CEP76: variants seen among roughly 807,000 people sequenced by gnomAD.
CEP76 encodes the protein centrosomal protein 76, also known as centrosomal protein of 76 kDa.
A neutral mutation model predicts 83.3 loss-of-function variants in CEP76; 55 were observed. The ratio of observed to expected loss-of-function variants is 0.66; its 90% confidence interval spans 0.53 to 0.83. The LOEUF (loss-of-function observed/expected upper bound fraction) is 0.83, where lower values mean the gene tolerates loss of function less well. CEP76 is among the 40% of genes least tolerant of loss of function. CEP76 has a pLI of 0.00. For missense variants in CEP76, 694 were observed against 799.5 expected, an observed-to-expected ratio of 0.87 and a Z score of 1.59; for synonymous variants, 270 against 274.5, an observed-to-expected ratio of 0.98 and a Z score of 0.16.
chr18:12,702,491 T>C lies in CEP76; in HGVS notation c.58A>G (p.Ser20Gly), dbSNP rs1233895072. 6.2e-7 allele frequency: 1 copy of C among 1,608,854 alleles called. No individual in the cohort carries two copies. The highest frequency in any genetic ancestry group is 2.2e-5 in the East Asian group (1 of 44,502). Residue 20 changes from serine (S) to glycine (G), a missense_variant, in exon 1 of 12, where the codon AGC becomes GGC. Ser to Gly is a moderately conservative substitution (Grantham distance 56). Coordinates refer to ENST00000262127, the MANE Select transcript of CEP76 (RefSeq NM_024899.4). ...ELKQLIHQQL[S>G]KMDVHGRIRE... ...CCAGCACCCGCGACTCTCACCTTGCTCAGCTGCTGGTGGATGAGCTGCTTC... is the reference window on the plus strand; with the variant it reads ...CCAGCACCCGCGACTCTCACCTTGCCCAGCTGCTGGTGGATGAGCTGCTTC...
In CEP76 at chr18:12,699,077, T is replaced by C. The variant is rs1271704769; in HGVS notation, c.422A>G (p.His141Arg). Residue 141 changes from histidine to arginine, a missense_variant, in exon 4 of 12, where the codon CAT becomes CGT. Transcript: ENST00000262127. ...QVCSTFTLCL[H>R]YRNQRFRSKP... ...AGAACGAAAACGTTGGTTTCGATAA[T>C]GTAAACATAAAGTAAACGTTGAACA... is the stretch of plus-strand genomic sequence containing the variant. The C allele has an allele frequency of 1.2e-6, 2 of 1,614,012 alleles. No homozygotes were observed. Among genetic ancestry groups the C allele is most frequent in the Non-Finnish European group, 1.7e-6 (2 of 1,179,994 alleles).
rs140794549 is a variant in CEP76, at chr18:12,698,897, A to G, written c.520+82T>C. 63 of 1,023,944 alleles carry G rather than the reference A, an allele frequency of 6.2e-5. No individual in the cohort carries two copies. In the African/African-American group the frequency reaches 9.4e-4, roughly 15 times the overall value. The allele number at this position is 1,023,944 out of a possible 1,614,324, so 63.4% of individuals were successfully genotyped here. On this transcript the variant is annotated intron_variant, in intron 4 of 11. Coordinates refer to ENST00000262127, the MANE Select transcript of CEP76 (RefSeq NM_024899.4). ...TCCTCCATTATAAATCTCTCCTTACAGAAAAAGTCATTATTATTGTTTCAC... is the reference window on the plus strand; with the variant it reads ...TCCTCCATTATAAATCTCTCCTTACGGAAAAAGTCATTATTATTGTTTCAC...
chr18:12,676,010 G>A lies in CEP76; in HGVS notation c.1624-1257C>T, dbSNP rs114603362. Reference sequence around the variant, plus strand: ...ACACCAAAAGACCTATTGATATCTGGACACATGAAGTTAAAAATAATAATA... The same window carrying A: ...ACACCAAAAGACCTATTGATATCTGAACACATGAAGTTAAAAATAATAATA... On this transcript the variant is annotated intron_variant, in intron 10 of 11. Transcript: ENST00000262127. Among the ~76,000 whole-genome samples, 1,344 of 152,038 alleles carry A rather than the reference G, an allele frequency of 8.8e-3. 27 individuals are homozygous for A. Among genetic ancestry groups the A allele is most frequent in the African/African-American group, 0.03 (1,237 of 41,474 alleles).
downstream of CEP76, among the ~76,000 whole-genome samples, chr18:12,671,752 C>T (rs1319582277): frequency 1.3e-5 from 2 of 151,100 alleles, no homozygotes; most frequent in African/African-American, 4.9e-5. Flanking sequence ...GCGATCCTTC[C>T]GCCTCAGACT....
intron 3 of CEP76, 86 bp from the exon 4 acceptor site, chr18:12,699,289 G>A (rs1892998482): frequency 4.3e-6 from 4 of 931,486 alleles, no homozygotes; most frequent in Non-Finnish European, 6.5e-6. Context: ...AAACTTGACA[G>A]ATAAAAACCC....
intron 10 of CEP76, among the ~76,000 whole-genome samples, chr18:12,675,923 C>A (rs1057231985): frequency 2.0e-5 from 3 of 152,064 alleles, no homozygotes; most frequent in Non-Finnish European, 4.4e-5. Context: ...CCCACCTCGG[C>A]CTCCCAAAGT....
intron 6 of CEP76, among the ~76,000 whole-genome samples, chr18:12,693,604 G>GA (rs765415052): frequency 2.5e-4 from 38 of 152,070 alleles, no homozygotes; most frequent in Non-Finnish European, 4.9e-4. Context: ...CCAACATGGT[G>GA]AAACCCTGTC....
chr18:12,678,262 G>A lies in CEP76; in HGVS notation c.1470C>T (p.Pro490=), dbSNP rs1341534932. ...FDLNDESKWK[P]MSEEAIKSVC... Reference sequence around the variant, plus strand: ...CAGATTTAATTGCTTCCTCACTCATGGGTTTCCATTTGGATTCATCGTTCA... The same window carrying A: ...CAGATTTAATTGCTTCCTCACTCATAGGTTTCCATTTGGATTCATCGTTCA... The change falls in exon 10 of 12, where the codon CCC becomes CCT. Residue 490 remains proline (P), a synonymous_variant. Transcript: ENST00000262127. 6.2e-7 allele frequency: 1 copy of A among 1,613,978 alleles called. No homozygotes were observed. Among genetic ancestry groups the A allele is most frequent in the Non-Finnish European group, 8.5e-7 (1 of 1,180,034 alleles).
intron 6 of CEP76, 45 bp from the exon 7 acceptor site, chr18:12,691,532 T>TA: frequency 7.1e-7 from 1 of 1,406,796 alleles, no homozygotes. Context: ...TCATTATCTT[T>TA]AATTACTACA....
intron 8 of CEP76, among the ~76,000 whole-genome samples, chr18:12,683,863 TG>T: frequency 6.6e-6 from 1 of 151,948 alleles, no homozygotes. Flanking sequence ...ATTATAATTA[TG>T]AAATAAATGA....
intron 1 of CEP76, among the ~76,000 whole-genome samples, chr18:12,701,742 C>G (rs544907925): frequency 7.9e-5 from 12 of 152,146 alleles, no homozygotes; most frequent in Non-Finnish European, 1.8e-4. Flanking sequence ...CATTACAAAC[C>G]CTTTAGTAAC....
Position 12,678,215 on chromosome 18 carries a change from G to T in CEP76, c.1517C>A (p.Thr506Lys). 6.2e-7 allele frequency: 1 copy of T among 1,614,116 alleles called. No homozygotes were observed. Residue 506 changes from threonine (T) to lysine (K), a missense_variant, in exon 10 of 12, where the codon ACA becomes AAA. Physicochemically the swap from Thr to Lys is moderately conservative, Grantham distance 78. Coordinates refer to ENST00000262127, the MANE Select transcript of CEP76 (RefSeq NM_024899.4). ...CAGAGGTGGAAAGGGAGGAAGGGATGTTGTAGCTCCAGGAGCACACACAGA... is the reference window on the plus strand; with the variant it reads ...CAGAGGTGGAAAGGGAGGAAGGGATTTTGTAGCTCCAGGAGCACACACAGA... ...IKSVCAPGATTSLPPFPPLCA... is the reference protein window; with the variant it reads ...IKSVCAPGATKSLPPFPPLCA...
chr18:12,668,040 G>A (rs190562301), downstream of CEP76, among the ~76,000 whole-genome samples: 97 of 151,864 alleles, frequency 6.4e-4, 1 homozygote, highest in African/African-American at 1.9e-3. Context: ...CGAGGCAGGC[G>A]TATCACCTGA....
Position 12,678,362 on chromosome 18 carries a change from CCA to C in CEP76, c.1368_1369del (p.Ile456MetfsTer17). The C allele has an allele frequency of 6.2e-7, 1 of 1,614,106 alleles. No individual in the cohort carries two copies. The highest frequency in any genetic ancestry group is 8.5e-7 in the Non-Finnish European group (1 of 1,180,024). On this transcript the variant is annotated frameshift_variant, in exon 10 of 12. Coordinates refer to ENST00000262127, the MANE Select transcript of CEP76 (RefSeq NM_024899.4). LOFTEE classifies it high-confidence loss of function. Reference sequence around the variant, plus strand: ...GAACATCTGATGGTTGAAAACACAACCAATTGTTCGATATGGGTACAGTGGTT... The same window carrying C: ...GAACATCTGATGGTTGAAAACACAACATTGTTCGATATGGGTACAGTGGTT...
chr18:12,691,806 C>T (rs1169472658), intron 6 of CEP76, among the ~76,000 whole-genome samples: 2 of 151,730 alleles, frequency 1.3e-5, no homozygotes, highest in East Asian at 1.9e-4. Flanking sequence ...ACCTCTGCCT[C>T]CCATGTTCAA....
intron 3 of CEP76, among the ~76,000 whole-genome samples, chr18:12,699,605 T>C (rs1248842975): frequency 6.6e-6 from 1 of 152,182 alleles, no homozygotes; most frequent in African/African-American, 2.4e-5. Flanking sequence ...TAAAACATAT[T>C]ATTAAAACAC....
intron 10 of CEP76, 109 bp from the exon 11 acceptor site, chr18:12,674,862 A>T: frequency 1.7e-6 from 1 of 582,306 alleles, no homozygotes; most frequent in Admixed American, 3.5e-5. Flanking sequence ...GATTTTTAAA[A>T]GCTATCATAA....
At chr18:12,696,286 C>T (rs2039954798) in intron 5 of CEP76, among the ~76,000 whole-genome samples, 1 of 152,080 alleles carries the variant, frequency 6.6e-6, no homozygotes, top group African/African-American at 2.4e-5. Flanking sequence ...GGGCAGATCA[C>T]GAGGTCAAGA....
rs1414714103 is a variant in CEP76 at position 12,678,387 on chromosome 18, G to C, written c.1345C>G (p.Pro449Ala). Residue 449 changes from proline to alanine, a missense_variant, in exon 10 of 12, where the codon CCA becomes GCA. Coordinates refer to ENST00000262127, the MANE Select transcript of CEP76 (RefSeq NM_024899.4). ...DEPPVAEQPKPLYPYRTIGCV... is the reference protein window; with the variant it reads ...DEPPVAEQPKALYPYRTIGCV... ...CCAATTGTTCGATATGGGTACAGTGGTTTGGGCTGTTCAGCAACTGGAGGT... is the reference window on the plus strand; with the variant it reads ...CCAATTGTTCGATATGGGTACAGTGCTTTGGGCTGTTCAGCAACTGGAGGT... 3 of 1,614,126 alleles carry C rather than the reference G, an allele frequency of 1.9e-6. No homozygotes were observed. The South Asian group carries it at 3.3e-5, about 18-fold the overall frequency.
Sources: allele counts gnomAD v4.1 joint callset (sites outside exome capture counted in the v4.1 genomes callset), GRCh38; gene constraint gnomAD v4.1.1; transcripts MANE v1.5; gene names NCBI Gene and HGNC (gene_info 2026-07-23, HGNC 2026-07-21).